The following SCARA5 variants were observed in gnomAD, a reference collection of about 807,000 sequenced individuals.
SCARA5 encodes scavenger receptor class A, member 5 (putative).
A neutral mutation model predicts 46.3 loss-of-function variants in SCARA5; 45 were observed. The ratio of observed to expected loss-of-function variants is 0.97; its 90% CI spans 0.76 to 1.24. The LOEUF (loss-of-function observed/expected upper bound fraction) is 1.24. Among genes scored for constraint, SCARA5 ranks in the 50% most tolerant of loss-of-function variants. The pLI is 0.00. For missense variants in SCARA5, 680 were observed against 689.0 expected (o/e 0.99, Z 0.15); for synonymous variants, 333 against 306.5 (o/e 1.09, Z -0.90).
intron 2 of SCARA5, among the ~76,000 whole-genome samples, chr8:27,975,992 TG>T (rs1168924710): frequency 6.6e-6 from 1 of 152,150 alleles, no homozygotes; most frequent in African/African-American, 2.4e-5. Context: ...TCATACAATG[TG>T]TGTTATTTTT....
intron 7 of SCARA5, among the ~76,000 whole-genome samples, chr8:27,902,741 C>T (rs1807177474): frequency 6.6e-6 from 1 of 152,156 alleles, no homozygotes; most frequent in African/African-American, 2.4e-5. Context: ...CAGGGAAAAA[C>T]AGCACCCCGA....
chr8:27,883,444 G>T (rs1251799302), intron 7 of SCARA5, among the ~76,000 whole-genome samples: 1 of 152,156 alleles, frequency 6.6e-6, no homozygotes, highest in East Asian at 1.9e-4. Context: ...TGGGACCTGA[G>T]CATCCTCACT....
chr8:27,986,183 G>A (rs771987068), intron 2 of SCARA5, among the ~76,000 whole-genome samples: 40 of 152,330 alleles, frequency 2.6e-4, no homozygotes, highest in Non-Finnish European at 4.9e-4. Context: ...AGAACCCCAG[G>A]CCTTCTCCTC....
At chr8:27,886,810 T>C (rs1381569840) in intron 7 of SCARA5, among the ~76,000 whole-genome samples, 2 of 152,168 alleles carry the variant, frequency 1.3e-5, no homozygotes, top group East Asian at 3.9e-4. Context: ...TGGGAAATGC[T>C]CTTGCCCCAC....
chr8:27,949,670 C>G (rs1165985425), intron 3 of SCARA5, among the ~76,000 whole-genome samples: 1 of 152,200 alleles, frequency 6.6e-6, no homozygotes, highest in Non-Finnish European at 1.5e-5. Context: ...CCTTCCACCC[C>G]AACCGCATCC....
chr8:27,871,128 T>C lies in SCARA5; in HGVS notation c.*806A>G, dbSNP rs774085392. ...GCCAAGTAAAGACAATAAGTTCAGG[T>C]GGGCACACGGTCTCAGTCATTTTGT... On this transcript the variant is annotated 3_prime_UTR_variant, in exon 9 of 9. Coordinates refer to ENST00000354914, the MANE Select transcript of SCARA5 (RefSeq NM_173833.6). The C allele has an allele frequency of 6.6e-6, 1 of 152,280 alleles. No homozygotes were observed. The highest frequency in any genetic ancestry group is 1.9e-4 in the East Asian group (1 of 5,194). The allele number at this position is 152,280 out of a possible 1,614,324, so 9.4% of individuals were successfully genotyped here.
intron 6 of SCARA5, 125 bp from the exon 7 acceptor site, chr8:27,904,959 T>C: frequency 1.2e-6 from 1 of 824,452 alleles, no homozygotes; most frequent in Admixed American, 2.1e-5. Flanking sequence ...CAGCAGCAAC[T>C]GGAGAGCCCA....
chr8:27,894,714 C>T (rs1310146518), intron 7 of SCARA5, among the ~76,000 whole-genome samples: 1 of 152,212 alleles, frequency 6.6e-6, no homozygotes, highest in African/African-American at 2.4e-5. Context: ...CCAGCATGTG[C>T]TCTCCACTAA....
At chr8:27,929,561 G>A (rs952817979) in intron 3 of SCARA5, among the ~76,000 whole-genome samples, 9 of 152,168 alleles carry the variant, frequency 5.9e-5, no homozygotes, top group African/African-American at 2.2e-4. Context: ...GGAGGTAGGG[G>A]AGCAAGTATG....
intron 2 of SCARA5, among the ~76,000 whole-genome samples, chr8:27,974,239 G>A (rs558000972): frequency 6.6e-6 from 1 of 152,302 alleles, no homozygotes; most frequent in South Asian, 2.1e-4. Context: ...CCTCTGTCAT[G>A]CATTAACTGT....
intron 3 of SCARA5, among the ~76,000 whole-genome samples, chr8:27,929,949 C>T (rs1807742877): frequency 6.6e-6 from 1 of 152,180 alleles, no homozygotes; most frequent in South Asian, 2.1e-4. Flanking sequence ...CTCCCTCACA[C>T]AAAACAGCAT....
At chr8:27,976,857 A>C (rs1395513345) in intron 2 of SCARA5, among the ~76,000 whole-genome samples, 1 of 152,078 alleles carries the variant, frequency 6.6e-6, no homozygotes, top group Non-Finnish European at 1.5e-5. Flanking sequence ...GCTCCTCGAA[A>C]AACTCCTCCC....
At chr8:27,890,377 A>G (rs1330554380) in intron 7 of SCARA5, among the ~76,000 whole-genome samples, 1 of 152,242 alleles carries the variant, frequency 6.6e-6, no homozygotes, top group Admixed American at 6.5e-5. Context: ...TCCTAGAACC[A>G]GGTGGCACTG....
intron 4 of SCARA5, among the ~76,000 whole-genome samples, chr8:27,919,964 G>A (rs1051941830): frequency 6.0e-5 from 9 of 150,746 alleles, no homozygotes; most frequent in African/African-American, 1.7e-4. Context: ...AGTGGGCCAT[G>A]GGGAGCCACA....
At chr8:27,972,303 T>C (rs1284832739) in intron 2 of SCARA5, among the ~76,000 whole-genome samples, 1 of 151,468 alleles carries the variant, frequency 6.6e-6, no homozygotes. Context: ...GGCGACAAAG[T>C]GAGACTCTGT....
At chr8:27,899,631 C>T (rs779977646) in intron 7 of SCARA5, among the ~76,000 whole-genome samples, 2 of 152,228 alleles carry the variant, frequency 1.3e-5, no homozygotes, top group African/African-American at 2.4e-5. Flanking sequence ...TCCTAGTGCC[C>T]AGAGGCTCAA....
At chr8:27,919,326 C>G (rs1247730822) in intron 4 of SCARA5, among the ~76,000 whole-genome samples, 1 of 151,140 alleles carries the variant, frequency 6.6e-6, no homozygotes, top group Non-Finnish European at 1.5e-5. Flanking sequence ...GCCTCTGGAG[C>G]ACAGCTGTCA....
At chr8:27,984,496 T>TCA (rs1808669834) in intron 2 of SCARA5, among the ~76,000 whole-genome samples, 2 of 152,330 alleles carry the variant, frequency 1.3e-5, no homozygotes, top group African/African-American at 4.8e-5. Context: ...ATCTATTTAT[T>TCA]TATTCATTCA....
rs140736542 is a variant in SCARA5 at position 27,942,296 on chromosome 8, C to T, written c.242-20051G>A. 5.0e-3 allele frequency among the ~76,000 whole-genome samples: 768 copies of T among 152,306 alleles called. 10 individuals carry two copies. The highest frequency in any genetic ancestry group is 0.018 in the African/African-American group (741 of 41,568). ...GATTGTGACTTTCTGGCTGCTGGAA[C>T]GCACAGCTTTTCACCCTCTTCACGA... On this transcript the variant is annotated intron_variant, in intron 3 of 8. Coordinates refer to ENST00000354914, the MANE Select transcript of SCARA5 (RefSeq NM_173833.6).
Sources: allele counts gnomAD v4.1 joint callset (sites outside exome capture counted in the v4.1 genomes callset), GRCh38; gene constraint gnomAD v4.1.1; transcripts MANE v1.5; gene names NCBI Gene and HGNC (gene_info 2026-07-23, HGNC 2026-07-21).